HHLA1: variants seen among roughly 807,000 people sequenced by gnomAD.
HHLA1 encodes the protein HERV-H LTR-associating protein 1.
A neutral mutation model predicts 69.9 loss-of-function variants in HHLA1; 72 were observed. That is an observed-to-expected ratio of 1.03 (90% CI 0.85 to 1.25). The LOEUF is 1.25. HHLA1 is among the 50% of genes most tolerant of loss of function. The pLI is 0.00. For synonymous variants in HHLA1, 252 were observed against 233.2 expected (o/e 1.08, Z -0.73); for missense variants, 685 against 642.2 (o/e 1.07, Z -0.72).
intron 11 of HHLA1, 107 bp downstream of exon 11, chr8:132,079,611 G>T: frequency 8.1e-7 from 1 of 1,232,048 alleles, no homozygotes; most frequent in Non-Finnish European, 1.1e-6. Context: ...CGTAACTTCA[G>T]TTGGTGGAGA....
chr8:132,084,476 G>T (rs957017202), intron 10 of HHLA1, among the ~76,000 whole-genome samples: 4 of 152,158 alleles, frequency 2.6e-5, no homozygotes, highest in Non-Finnish European at 5.9e-5. Context: ...TGGACGTCAG[G>T]CACCTCAGAC....
rs1013490854 is a variant in HHLA1, at chr8:132,073,451, T to A, written c.1316-1958A>T. ...TTTTCTCTATCAGTTATTGAGCAGT[T>A]GCTATGTATCAGGCACTCTCCTAAG... On this transcript the variant is annotated intron_variant, in intron 14 of 16. Coordinates refer to ENST00000414222, the MANE Select transcript of HHLA1 (RefSeq NM_001145095.3). 2.0e-5 allele frequency among the ~76,000 whole-genome samples: 3 copies of A among 152,244 alleles called. No homozygotes were observed. The South Asian group carries it at 6.2e-4, about 32-fold the overall frequency.
intron 14 of HHLA1, among the ~76,000 whole-genome samples, chr8:132,072,463 C>T (rs527547655): frequency 6.1e-4 from 93 of 152,086 alleles, no homozygotes; most frequent in African/African-American, 2.2e-3. Context: ...ATTTGTTGAG[C>T]TCCACTACAT....
chr8:132,089,710 G>A, intron 7 of HHLA1, 111 bp from the exon 8 acceptor site: 1 of 673,838 alleles, frequency 1.5e-6, no homozygotes, highest in South Asian at 1.7e-5. Context: ...TTAGTTTAGT[G>A]TATTGAGGAA....
intron 11 of HHLA1, among the ~76,000 whole-genome samples, chr8:132,078,995 T>C (rs1180373462): frequency 6.6e-6 from 1 of 152,250 alleles, no homozygotes; most frequent in Admixed American, 6.5e-5. Flanking sequence ...TGTATACATG[T>C]GCCATGTTGG....
chr8:132,092,241 G>A (rs574810976), intron 7 of HHLA1, among the ~76,000 whole-genome samples: 3 of 152,320 alleles, frequency 2.0e-5, no homozygotes, highest in African/African-American at 7.2e-5. Flanking sequence ...GGAACGTGAT[G>A]GTTTAAAGCA....
chr8:132,077,043 T>A (rs984086732), intron 12 of HHLA1, among the ~76,000 whole-genome samples: 1 of 152,130 alleles, frequency 6.6e-6, no homozygotes, highest in Non-Finnish European at 1.5e-5. Context: ...GACTTGATCG[T>A]TTCTGTTAAG....
Position 132,071,486 on chromosome 8 carries a change from A to G in HHLA1, c.1323T>C (p.Pro441=), listed in dbSNP as rs750335780. The G allele has an allele frequency of 1.3e-6, 2 of 1,551,188 alleles. No individual in the cohort carries two copies. Among genetic ancestry groups the G allele is most frequent in the African/African-American group, 1.4e-5 (1 of 73,030 alleles). The change falls in exon 15 of 17, where the codon CCT becomes CCC. Residue 441 remains proline (P), a synonymous_variant. Transcript: ENST00000414222. ...VPRPHQVSRC[P]QPLFKVGAMA... Reference sequence around the variant, plus strand: ...TAGCTCCCACCTTGAAGAGTGGCTGAGGACACCCTAGAAGATGCAATCCCA... The same window carrying G: ...TAGCTCCCACCTTGAAGAGTGGCTGGGGACACCCTAGAAGATGCAATCCCA...
intron 10 of HHLA1, among the ~76,000 whole-genome samples, chr8:132,083,379 A>G: frequency 6.6e-6 from 1 of 151,922 alleles, no homozygotes; most frequent in East Asian, 1.9e-4. Flanking sequence ...GGTAATGTGG[A>G]GTGGGTAGCC....
At chr8:132,080,505 T>C (rs558027175) in intron 10 of HHLA1, 24 of 249,938 alleles carry the variant, frequency 9.6e-5, no homozygotes, top group African/African-American at 4.7e-4. Context: ...TTTCACAAGG[T>C]AATGTCATCA....
At chr8:132,089,878 G>A (rs1823921036) in intron 7 of HHLA1, among the ~76,000 whole-genome samples, 2 of 152,132 alleles carry the variant, frequency 1.3e-5, no homozygotes, top group Admixed American at 1.3e-4. Flanking sequence ...GAGCTATGAA[G>A]GGCCACATTG....
At chr8:132,097,889 G>A (rs753379374) in intron 5 of HHLA1, among the ~76,000 whole-genome samples, 1 of 152,162 alleles carries the variant, frequency 6.6e-6, no homozygotes, top group Non-Finnish European at 1.5e-5. Flanking sequence ...TGCAGTGTGT[G>A]TATTGCACAA....
intron 7 of HHLA1, among the ~76,000 whole-genome samples, chr8:132,093,747 C>G (rs1288910817): frequency 6.6e-6 from 1 of 152,116 alleles, no homozygotes; most frequent in Non-Finnish European, 1.5e-5. Context: ...TTATTTTTAT[C>G]TTTCACACAA....
At chr8:132,100,479 T>C (rs1824094325) in intron 3 of HHLA1, among the ~76,000 whole-genome samples, 2 of 151,956 alleles carry the variant, frequency 1.3e-5, no homozygotes, top group Non-Finnish European at 2.9e-5. Context: ...TAATAAAGGG[T>C]TCAGAACCTA....
rs1043898333 is a variant in HHLA1 at position 132,072,005 on chromosome 8, C to T, written c.1316-512G>A. On this transcript the variant is annotated intron_variant, in intron 14 of 16. Coordinates refer to ENST00000414222, the MANE Select transcript of HHLA1 (RefSeq NM_001145095.3). ...GTTTGCCTGTGTGTGTGTGTATGCA[C>T]GTGCATGTGTATGTGAGTGCAAAAA... Among the ~76,000 whole-genome samples the T allele has an allele frequency of 7.3e-4, 111 of 151,826 alleles. 1 individual carries two copies. Among genetic ancestry groups the T allele is most frequent in the African/African-American group, 2.5e-3 (102 of 41,290 alleles).
intron 3 of HHLA1, 57 bp downstream of exon 3, chr8:132,104,051 G>A: frequency 8.2e-7 from 1 of 1,218,860 alleles, no homozygotes; most frequent in Non-Finnish European, 1.2e-6. Context: ...GCTTGGGGAA[G>A]TCAAGGAATT....
intron 10 of HHLA1, among the ~76,000 whole-genome samples, chr8:132,082,268 T>C (rs1823765266): frequency 2.6e-5 from 4 of 152,240 alleles, no homozygotes; most frequent in South Asian, 4.2e-4. Context: ...GAGTTGAGCA[T>C]AGTTTGTGAT....
intron 7 of HHLA1, among the ~76,000 whole-genome samples, chr8:132,090,758 T>TCC (rs1563746534): frequency 1.1e-5 from 1 of 91,466 alleles, no homozygotes; most frequent in Non-Finnish European, 2.3e-5. Context: ...TCTCTCTCTT[T>TCC]TTTTTTTTTT....
At chr8:132,083,804 G>A (rs1282730929) in intron 10 of HHLA1, among the ~76,000 whole-genome samples, 1 of 152,196 alleles carries the variant, frequency 6.6e-6, no homozygotes, top group Non-Finnish European at 1.5e-5. Flanking sequence ...TTGTCTCACA[G>A]TGGAGGCAAG....
Sources: gnomAD v4.1 joint callset for allele counts (sites outside exome capture counted in the v4.1 genomes callset) on GRCh38, gnomAD v4.1.1 for gene constraint, MANE v1.5 for transcripts, NCBI Gene and HGNC (gene_info 2026-07-23, HGNC 2026-07-21) for gene names.